The following SGCZ variants were observed in gnomAD, a reference collection of about 807,000 sequenced individuals.
SGCZ encodes the protein sarcoglycan zeta.
Under a neutral mutation model 41.3 loss-of-function variants are expected in SGCZ, and 40 were observed. That is an observed-to-expected ratio of 0.97 (90% CI 0.75 to 1.26). The LOEUF is 1.26. SGCZ is among the 50% of genes most tolerant of loss of function. The pLI is 0.00. For synonymous variants in SGCZ, 206 were observed against 137.5 expected, an observed-to-expected ratio of 1.50 and a Z score of -3.49; for missense variants, 552 against 369.8, an observed-to-expected ratio of 1.49 and a Z score of -4.04.
chr8:14,811,104 T>A (rs1801724663), intron 1 of SGCZ, among the ~76,000 whole-genome samples: 1 of 152,020 alleles, frequency 6.6e-6, no homozygotes, highest in African/African-American at 2.4e-5. Flanking sequence ...TGTCAGGATT[T>A]TCTGTAAGAA....
At chr8:14,596,335 G>A (rs1228301867) in intron 1 of SGCZ, among the ~76,000 whole-genome samples, 1 of 152,088 alleles carries the variant, frequency 6.6e-6, no homozygotes, top group Non-Finnish European at 1.5e-5. Context: ...ATGTCTCAGA[G>A]CAAATATGAA....
intron 4 of SGCZ, among the ~76,000 whole-genome samples, chr8:14,209,482 T>A (rs1183016396): frequency 6.6e-6 from 1 of 152,088 alleles, no homozygotes; most frequent in African/African-American, 2.4e-5. Context: ...TAATTACAGA[T>A]CAGGAGTGTG....
In SGCZ at chr8:14,294,896, T is replaced by C. The variant is rs1034407917; in HGVS notation, c.336+29207A>G. Among the ~76,000 whole-genome samples the C allele has an allele frequency of 7.2e-5, 11 of 152,154 alleles. No homozygotes were observed. In the East Asian group the frequency reaches 2.1e-3, roughly 29 times the overall value. On this transcript the variant is annotated intron_variant, in intron 3 of 7. Coordinates refer to ENST00000382080, the MANE Select transcript of SGCZ (RefSeq NM_139167.4). ...CCTTTTAAAATGTCAATAATAATAA[T>C]AACAACAATTCTGCAAAGGCCAAGT...
chr8:14,611,061 G>T (rs894418230), intron 1 of SGCZ, among the ~76,000 whole-genome samples: 9 of 152,032 alleles, frequency 5.9e-5, no homozygotes, highest in African/African-American at 2.2e-4. Context: ...TTTATTGGAA[G>T]ATAGTAAAAT....
rs180909965 is a variant in SGCZ, at chr8:14,945,373, G to C, written c.39+292212C>G. Among the ~76,000 whole-genome samples, 333 of 152,096 alleles carry C rather than the reference G, an allele frequency of 2.2e-3. 1 individual carries two copies. The highest frequency in any genetic ancestry group is 4.1e-3 in the Admixed American group (63 of 15,282). On this transcript the variant is annotated intron_variant, in intron 1 of 7. Transcript: ENST00000382080. ...ATCTCACACCTTGTGTGAGATCTAT[G>C]GTAGATACTCAATTATAACTTATAA...
chr8:14,723,455 T>A (rs190180236), intron 1 of SGCZ, among the ~76,000 whole-genome samples: 1 of 152,132 alleles, frequency 6.6e-6, no homozygotes, highest in African/African-American at 2.4e-5. Context: ...GGTACCTTTC[T>A]GGAGAACAGA....
At chr8:14,918,550 T>G (rs1799504306) in intron 1 of SGCZ, among the ~76,000 whole-genome samples, 2 of 152,190 alleles carry the variant, frequency 1.3e-5, no homozygotes, top group African/African-American at 2.4e-5. Context: ...CCAAGGATAT[T>G]TGAGTGTAAA....
At chr8:14,679,182 A>G (rs1243853004) in intron 1 of SGCZ, among the ~76,000 whole-genome samples, 2 of 152,176 alleles carry the variant, frequency 1.3e-5, no homozygotes, top group African/African-American at 4.8e-5. Context: ...TACAATACAT[A>G]ATACTTGATA....
intron 2 of SGCZ, among the ~76,000 whole-genome samples, chr8:14,428,888 TCA>T (rs1392838609): frequency 4.9e-4 from 75 of 152,310 alleles, no homozygotes; most frequent in African/African-American, 1.7e-3. Context: ...TTTACAAAGC[TCA>T]CAACATGCTT....
At chr8:14,836,472 T>C (rs948176096) in intron 1 of SGCZ, among the ~76,000 whole-genome samples, 7 of 152,170 alleles carry the variant, frequency 4.6e-5, no homozygotes, top group African/African-American at 1.7e-4. Flanking sequence ...TCTGTCGCCC[T>C]CCCTCTCTGC....
chr8:14,420,130 G>C (rs545293685), intron 2 of SGCZ, among the ~76,000 whole-genome samples: 1 of 151,838 alleles, frequency 6.6e-6, no homozygotes, highest in Non-Finnish European at 1.5e-5. Context: ...CTGCATTGAA[G>C]GGCTTATGAT....
chr8:14,149,779 C>A (rs1212979456), intron 5 of SGCZ, among the ~76,000 whole-genome samples: 2 of 151,894 alleles, frequency 1.3e-5, no homozygotes, highest in African/African-American at 4.8e-5. Flanking sequence ...TCAGATTATA[C>A]TGTGGAGCTA....
At chr8:14,219,089 C>T (rs1806099839) in intron 4 of SGCZ, among the ~76,000 whole-genome samples, 1 of 152,176 alleles carries the variant, frequency 6.6e-6, no homozygotes, top group South Asian at 2.1e-4. Flanking sequence ...TTGAAGTGCC[C>T]TCTTACTCTA....
chr8:15,195,515 G>C (rs550361245), intron 1 of SGCZ, among the ~76,000 whole-genome samples: 2 of 152,276 alleles, frequency 1.3e-5, no homozygotes, highest in Non-Finnish European at 2.9e-5. Context: ...CTGCAAGTTT[G>C]TTTCTTGCTG....
At chr8:14,192,903 A>G (rs1039389610) in intron 4 of SGCZ, among the ~76,000 whole-genome samples, 3 of 152,090 alleles carry the variant, frequency 2.0e-5, no homozygotes, top group African/African-American at 4.8e-5. Context: ...TTTATACATT[A>G]TATGTTTATG....
intron 1 of SGCZ, among the ~76,000 whole-genome samples, chr8:14,648,176 TA>T (rs1302994076): frequency 6.6e-6 from 1 of 152,040 alleles, no homozygotes; most frequent in Non-Finnish European, 1.5e-5. Flanking sequence ...GGTACATATT[TA>T]AAAAATCATA....
At chr8:14,875,313 AG>A (rs1804311223) in intron 1 of SGCZ, among the ~76,000 whole-genome samples, 1 of 152,172 alleles carries the variant, frequency 6.6e-6, no homozygotes, top group Non-Finnish European at 1.5e-5. Context: ...CCCATTAATG[AG>A]GACAAAGTCC....
chr8:14,121,567 G>C (rs907057976), intron 5 of SGCZ, among the ~76,000 whole-genome samples: 20 of 152,094 alleles, frequency 1.3e-4, no homozygotes, highest in African/African-American at 4.3e-4. Flanking sequence ...TTGTTAAACT[G>C]ACTAAAATCA....
intron 1 of SGCZ, among the ~76,000 whole-genome samples, chr8:15,028,351 G>A (rs1197366142): frequency 2.0e-5 from 3 of 151,762 alleles, no homozygotes; most frequent in Admixed American, 1.3e-4. Context: ...GAACACTATC[G>A]TCTTTCTAAG....
Sources: gnomAD v4.1 joint callset for allele counts (sites outside exome capture counted in the v4.1 genomes callset) on GRCh38, gnomAD v4.1.1 for gene constraint, MANE v1.5 for transcripts, NCBI Gene and HGNC (gene_info 2026-07-23, HGNC 2026-07-21) for gene names.